OPRPN: variants seen among roughly 807,000 people sequenced by gnomAD.
OPRPN encodes basic proline-rich lacrimal protein.
In OPRPN, 1 loss-of-function variant was observed where a neutral mutation model predicts 2.2. That is an observed-to-expected ratio of 0.45 (90% CI 0.16 to 2.15). The LOEUF is 2.15. Ranked by LOEUF, OPRPN falls within the 30% of genes most tolerant of loss-of-function variation. The pLI, the probability that OPRPN is intolerant of heterozygous loss-of-function variation, is 0.28. For synonymous variants in OPRPN, 126 were observed against 111.5 expected, an observed-to-expected ratio of 1.13 and a Z score of -0.82; for missense variants, 306 against 297.3, an observed-to-expected ratio of 1.03 and a Z score of -0.21.
chr4:70,405,710 G>C (rs1268542724), intron 2 of OPRPN, among the ~76,000 whole-genome samples: 1 of 151,934 alleles, frequency 6.6e-6, no homozygotes, highest in African/African-American at 2.4e-5. Context: ...ATTAATGTTA[G>C]CAGCCATGAC....
rs559738296 is a variant in OPRPN, at chr4:70,403,023, G to A, written c.51+3687G>A. Among the ~76,000 whole-genome samples the A allele has an allele frequency of 1.0e-3, 158 of 151,972 alleles. 1 individual carries two copies. Among genetic ancestry groups the A allele is most frequent in the Non-Finnish European group, 1.4e-3 (93 of 67,988 alleles). On this transcript the variant is annotated intron_variant, in intron 2 of 2. Transcript: ENST00000399575. ...CAGTACAAAACCTCAGAAAGATGCC[G>A]TCTCTTCCCACACACTCTTGCTTTC...
chr4:70,408,080 A>C (rs1391413522), intron 2 of OPRPN, among the ~76,000 whole-genome samples: 1 of 152,192 alleles, frequency 6.6e-6, no homozygotes, highest in Non-Finnish European at 1.5e-5. Flanking sequence ...ATAGTTCTCT[A>C]GTGTTGCTAC....
chr4:70,402,363 C>T (rs554531926), intron 2 of OPRPN, among the ~76,000 whole-genome samples: 8 of 152,196 alleles, frequency 5.3e-5, no homozygotes, highest in South Asian at 2.1e-4. Context: ...GGACTTCTTA[C>T]GGGTTTGTAT....
At chr4:70,402,521 T>C (rs970747820) in intron 2 of OPRPN, among the ~76,000 whole-genome samples, 2 of 152,132 alleles carry the variant, frequency 1.3e-5, no homozygotes, top group African/African-American at 4.8e-5. Flanking sequence ...TGAGCACTTA[T>C]TGTTTGCCAG....
At chr4:70,402,866 G>A (rs1377657060) in intron 2 of OPRPN, among the ~76,000 whole-genome samples, 2 of 152,038 alleles carry the variant, frequency 1.3e-5, no homozygotes, top group Admixed American at 6.6e-5. Context: ...CTGGTAGAGA[G>A]TGAGATGGGA....
At position 70,409,404 on chromosome 4, in the gene OPRPN, A is replaced by G; in HGVS notation, c.76A>G (p.Arg26Gly). 6.2e-7 allele frequency: 1 copy of G among 1,611,724 alleles called. No homozygotes were observed. Among genetic ancestry groups the G allele is most frequent in the Non-Finnish European group, 8.5e-7 (1 of 1,178,588 alleles). Residue 26 changes from arginine (R) to glycine (G), a missense_variant, in exon 3 of 3, where the codon AGA becomes GGA. Transcript: ENST00000399575. ...GCCCAGTGAGAGTCAAAGATTCTCC[A>G]GAAGACCATATCTACCTGGCCAGCT... Reference protein sequence around the residue: ...FTPSESQRFSRRPYLPGQLPP... With the variant: ...FTPSESQRFSGRPYLPGQLPP...
intron 2 of OPRPN, among the ~76,000 whole-genome samples, chr4:70,408,549 G>A (rs1051330397): frequency 6.6e-6 from 1 of 152,084 alleles, no homozygotes; most frequent in Non-Finnish European, 1.5e-5. Flanking sequence ...TATTAATAGA[G>A]TACAAAATCA....
At position 70,409,773 on chromosome 4, in the gene OPRPN, G is replaced by C. The variant is rs139826053; in HGVS notation, c.445G>C (p.Ala149Pro). The C allele has an allele frequency of 2.5e-6, 4 of 1,611,870 alleles. No homozygotes were observed. The highest frequency in any genetic ancestry group is 1.7e-5 in the Admixed American group (1 of 59,732). The change falls in exon 3 of 3, where the codon GCA (alanine) becomes CCA (proline). Residue 149 changes from alanine to proline, a missense_variant. Transcript: ENST00000399575. Reference protein sequence around the residue: ...NPEPQINITTADTTITTNPPT... With the variant: ...NPEPQINITTPDTTITTNPPT... The stretch of plus-strand genomic sequence containing the variant: ...TGAGCCCCAAATAAACATCACCACC[G>C]CAGATACAACAATCACCACAAATCC...
At chr4:70,399,393 A>G (rs1316325295) in intron 2 of OPRPN, 57 bp downstream of exon 2, 6 of 1,454,438 alleles carry the variant, frequency 4.1e-6, no homozygotes, top group Non-Finnish European at 5.7e-6. Flanking sequence ...CATGATTTCA[A>G]AGAAAGTTTT....
At chr4:70,405,305 G>T (rs1361028047) in intron 2 of OPRPN, among the ~76,000 whole-genome samples, 1 of 152,152 alleles carries the variant, frequency 6.6e-6, no homozygotes, top group African/African-American at 2.4e-5. Context: ...AATAGGAAAA[G>T]ATAAAAATAA....
At chr4:70,399,409 C>A in intron 2 of OPRPN, 73 bp downstream of exon 2, 2 of 1,299,512 alleles carry the variant, frequency 1.5e-6, no homozygotes, top group Non-Finnish European at 2.2e-6. Flanking sequence ...GTTTTGATAC[C>A]AAGAATTTTG....
intron 2 of OPRPN, among the ~76,000 whole-genome samples, chr4:70,400,369 G>T (rs1307575359): frequency 6.6e-6 from 1 of 151,772 alleles, no homozygotes; most frequent in African/African-American, 2.4e-5. Flanking sequence ...AGCATTTTTT[G>T]ATATTTAATG....
chr4:70,400,138 C>A (rs1245689268), intron 2 of OPRPN, among the ~76,000 whole-genome samples: 1 of 151,822 alleles, frequency 6.6e-6, no homozygotes. Context: ...AGAGAAAGAG[C>A]CCTATTTATC....
chr4:70,409,312 C>T (rs780355017), intron 2 of OPRPN, 68 bp from the exon 3 acceptor site: 208 of 1,256,160 alleles, frequency 1.7e-4, no homozygotes, highest in Non-Finnish European at 9.2e-5. Context: ...ATAGTATATC[C>T]TAATGTTTGA....
At chr4:70,408,469 A>T (rs914015744) in intron 2 of OPRPN, among the ~76,000 whole-genome samples, 4 of 152,222 alleles carry the variant, frequency 2.6e-5, no homozygotes, top group South Asian at 2.1e-4. Flanking sequence ...ATTTTCATCT[A>T]AATTACTAAA....
At chr4:70,404,005 A>G (rs1444907328) in intron 2 of OPRPN, among the ~76,000 whole-genome samples, 2 of 152,074 alleles carry the variant, frequency 1.3e-5, no homozygotes, top group Non-Finnish European at 2.9e-5. Flanking sequence ...GTTTGTTTTC[A>G]TACTCCACTG....
At chr4:70,401,715 G>A (rs897975157) in intron 2 of OPRPN, among the ~76,000 whole-genome samples, 1 of 152,092 alleles carries the variant, frequency 6.6e-6, no homozygotes, top group African/African-American at 2.4e-5. Context: ...CATGCCATTG[G>A]ATAGGCTATA....
intron 2 of OPRPN, 131 bp downstream of exon 2, chr4:70,399,467 G>T: frequency 5.7e-6 from 4 of 706,914 alleles, no homozygotes; most frequent in East Asian, 5.5e-5. Flanking sequence ...TTATGGACTT[G>T]CTCTTACTTT....
chr4:70,407,609 C>T (rs1303554938), intron 2 of OPRPN, among the ~76,000 whole-genome samples: 1 of 152,148 alleles, frequency 6.6e-6, no homozygotes, highest in African/African-American at 2.4e-5. Context: ...TCCTTACTAT[C>T]TGGCTAGGAA....
Sources: gnomAD v4.1 joint callset for allele counts (sites outside exome capture counted in the v4.1 genomes callset) on GRCh38, gnomAD v4.1.1 for gene constraint, MANE v1.5 for transcripts, NCBI Gene and HGNC (gene_info 2026-07-23, HGNC 2026-07-21) for gene names.